FBN2: variants seen among roughly 807,000 people sequenced by gnomAD.
The protein encoded by FBN2 is fibrillin-2.
In FBN2, 105 loss-of-function variants were observed where a neutral mutation model predicts 355.6. The ratio of observed to expected loss-of-function variants is 0.30; its 90% CI spans 0.25 to 0.35. The LOEUF (loss-of-function observed/expected upper bound fraction) is 0.35, where lower values mean the gene tolerates loss of function less well. FBN2 is among the 10% of genes least tolerant of loss of function. The probability of loss-of-function intolerance (pLI) is 1.00; values close to 1 mark genes in which losing one functional copy is unlikely to be tolerated. For missense variants in FBN2, 3,280 were observed against 3,758.7 expected (o/e 0.87, Z 3.33); for synonymous variants, 1,350 against 1,301.2 (o/e 1.04, Z -0.81).
chr5:128,469,911 C>G (rs1425763345), intron 5 of FBN2, among the ~76,000 whole-genome samples: 1 of 152,174 alleles, frequency 6.6e-6, no homozygotes, highest in Non-Finnish European at 1.5e-5. Context: ...AGATACCCAA[C>G]AGGAGACGTC....
At chr5:128,274,043 G>T (rs1173150114) in intron 60 of FBN2, 75 bp from the exon 61 acceptor site, 3 of 1,554,496 alleles carry the variant, frequency 1.9e-6, no homozygotes, top group African/African-American at 2.7e-5. Context: ...GAAGTAAAAA[G>T]CAATGTATGA....
intron 62 of FBN2, 128 bp downstream of exon 62, chr5:128,271,871 T>A: frequency 9.2e-7 from 1 of 1,092,760 alleles, no homozygotes; most frequent in Non-Finnish European, 1.4e-6. Flanking sequence ...GCATCAGTCT[T>A]AAGGACTGGG....
chr5:128,504,431 G>C lies in FBN2; in HGVS notation c.628+14842C>G, dbSNP rs1755899764. Among the ~76,000 whole-genome samples, 3 of 152,306 alleles carry C rather than the reference G, an allele frequency of 2.0e-5. No homozygotes were observed. The South Asian group carries it at 6.2e-4, about 32-fold the overall frequency. ...ACCAGCCCATGAAAGCAGCGTGAGA[G>C]GGGCTGTAACCTGCAAAGCTACAGG... On this transcript the variant is annotated intron_variant, in intron 5 of 64. Transcript: ENST00000262464.
At chr5:128,306,967 T>C (rs1749901686) in intron 42 of FBN2, among the ~76,000 whole-genome samples, 168 bp downstream of exon 42, 3 of 152,230 alleles carry the variant, frequency 2.0e-5, no homozygotes, top group South Asian at 4.1e-4. Context: ...TCATTATTAA[T>C]ACTTGGTTAG....
At chr5:128,306,943 A>G (rs1292009380) in intron 42 of FBN2, among the ~76,000 whole-genome samples, 192 bp downstream of exon 42, 1 of 152,220 alleles carries the variant, frequency 6.6e-6, no homozygotes, top group East Asian at 1.9e-4. Flanking sequence ...TCACCAGACT[A>G]CGCTGATGGA....
At chr5:128,292,100 C>T (rs1348411325) in intron 48 of FBN2, among the ~76,000 whole-genome samples, 1 of 152,158 alleles carries the variant, frequency 6.6e-6, no homozygotes, top group African/African-American at 2.4e-5. Flanking sequence ...TTTCTACCTC[C>T]TCAGTACTTC....
chr5:128,537,033 GC>G (rs1349607695), intron 1 of FBN2, among the ~76,000 whole-genome samples: 13 of 152,170 alleles, frequency 8.5e-5, no homozygotes, highest in African/African-American at 3.1e-4. Context: ...GCGGACCCAG[GC>G]CCGCCTGCCG....
At chr5:128,468,594 G>A (rs187114624) in intron 5 of FBN2, among the ~76,000 whole-genome samples, 1 of 152,230 alleles carries the variant, frequency 6.6e-6, no homozygotes, top group Non-Finnish European at 1.5e-5. Flanking sequence ...AATGTATGAG[G>A]GTTCTAGTTC....
chr5:128,319,548 C>G (rs1015360600), intron 34 of FBN2, among the ~76,000 whole-genome samples: 1 of 149,302 alleles, frequency 6.7e-6, no homozygotes, highest in African/African-American at 2.4e-5. Context: ...TAAATATTAA[C>G]TTTTTAGTTT....
At chr5:128,405,436 T>C (rs549374376) in intron 8 of FBN2, among the ~76,000 whole-genome samples, 8 of 152,242 alleles carry the variant, frequency 5.3e-5, no homozygotes, top group Non-Finnish European at 1.0e-4. Context: ...CTTAGGACTT[T>C]ATAACATAAG....
At chr5:128,479,133 G>A (rs915616903) in intron 5 of FBN2, among the ~76,000 whole-genome samples, 38 of 152,280 alleles carry the variant, frequency 2.5e-4, no homozygotes, top group African/African-American at 6.7e-4. Context: ...TGACATGACC[G>A]TAACACTCAA....
rs1189153876 is a variant in FBN2, at chr5:128,334,820, G to A, written c.3998C>T (p.Ser1333Leu). ...CIDVNECDLN[S>L]NICMFGECEN... Reference sequence around the variant, plus strand: ...ACATTCCCCAAACATGCAGATATTTGAATTTAGGTCACATTCATTGACATC... The same window carrying A: ...ACATTCCCCAAACATGCAGATATTTAAATTTAGGTCACATTCATTGACATC... Residue 1333 changes from serine (S) to leucine (L), a missense_variant, in exon 31 of 65, where the codon TCA (serine) becomes TTA (leucine). This residue lies in a region of FBN2 where 2,284 missense variants were observed against 2,749.5 expected (regional missense o/e 0.83). Transcript: ENST00000262464. The A allele has an allele frequency of 3.7e-6, 6 of 1,612,266 alleles. No individual in the cohort carries two copies. The highest frequency in any genetic ancestry group is 5.1e-6 in the Non-Finnish European group (6 of 1,178,454).
Position 128,312,790 on chromosome 5 carries a change from G to C in FBN2, c.4723C>G (p.Arg1575Gly). ...NPTGVGCVDN[R>G]VGNCYLKFGP... ...AACTTCAGGTAGCAGTTGCCCACAC[G>C]GTTGTCTGCAGAGCAACAAAGGAGC... The change falls in exon 37 of 65, where the codon CGT (arginine) becomes GGT (glycine). Residue 1575 changes from arginine to glycine, a missense_variant. Coordinates refer to ENST00000262464, the MANE Select transcript of FBN2 (RefSeq NM_001999.4). 1.2e-6 allele frequency: 2 copies of C among 1,613,526 alleles called. No individual in the cohort carries two copies. Among genetic ancestry groups the C allele is most frequent in the Non-Finnish European group, 8.5e-7 (1 of 1,179,976 alleles).
intron 24 of FBN2, among the ~76,000 whole-genome samples, 157 bp from the exon 25 acceptor site, chr5:128,344,667 G>T (rs557544345): frequency 1.8e-4 from 28 of 151,534 alleles, no homozygotes; most frequent in Admixed American, 1.6e-3. Context: ...TATCACACAG[G>T]AAGTTTCAAT....
At chr5:128,260,152 G>A (rs1251117321) in intron 64 of FBN2, among the ~76,000 whole-genome samples, 1 of 151,886 alleles carries the variant, frequency 6.6e-6, no homozygotes, top group Non-Finnish European at 1.5e-5. Flanking sequence ...ATGAAATATT[G>A]TGCTAATTAA....
intron 17 of FBN2, chr5:128,365,345 T>C (rs1751739530): frequency 6.6e-6 from 1 of 152,266 alleles, no homozygotes; most frequent in African/African-American, 2.4e-5. Context: ...GTATGAATGA[T>C]CAAGTAGTTT....
chr5:128,518,452 G>A (rs115570161), intron 5 of FBN2, among the ~76,000 whole-genome samples: 141 of 152,110 alleles, frequency 9.3e-4, no homozygotes, highest in African/African-American at 3.1e-3. Context: ...AAGCTCTACT[G>A]GCTTCAGATA....
chr5:128,393,248 T>C lies in FBN2; in HGVS notation c.1352A>G (p.Tyr451Cys), dbSNP rs776512922. 2 of 1,614,160 alleles carry C rather than the reference T, an allele frequency of 1.2e-6. No homozygotes were observed. The highest frequency in any genetic ancestry group is 1.7e-6 in the Non-Finnish European group (2 of 1,179,994). The change falls in exon 10 of 65, where the codon TAT becomes TGT. Residue 451 changes from tyrosine (Y) to cysteine (C), a missense_variant. Around this residue, in one of 6 missense-constraint regions of FBN2, gnomAD observed 343 missense variants for 331.0 expected, o/e 1.04. Coordinates refer to ENST00000262464, the MANE Select transcript of FBN2 (RefSeq NM_001999.4). ...GFAPSGNGNG[Y>C]GPGGTGFIPI... ...GATGAAGCCTGTCCCTCCTGGGCCATAGCCATTGCCATTGCCACTTGGGGC... is the reference window on the plus strand; with the variant it reads ...GATGAAGCCTGTCCCTCCTGGGCCACAGCCATTGCCATTGCCACTTGGGGC...
At chr5:128,479,402 C>T (rs1755093201) in intron 5 of FBN2, among the ~76,000 whole-genome samples, 1 of 152,050 alleles carries the variant, frequency 6.6e-6, no homozygotes, top group South Asian at 2.1e-4. Context: ...TGTATATACA[C>T]ACATATATGT....
Sources: gnomAD v4.1 joint callset for allele counts (sites outside exome capture counted in the v4.1 genomes callset) on GRCh38, gnomAD v4.1.1 for gene constraint, gnomAD v4.1.1 regional missense constraint, MANE v1.5 for transcripts, NCBI Gene and HGNC (gene_info 2026-07-23, HGNC 2026-07-21) for gene names.